Variants in SRFBP1 observed in about 807,000 individuals in gnomAD.
SRFBP1 encodes the protein serum response factor binding protein 1.
In SRFBP1, 47 loss-of-function variants were observed where a neutral mutation model predicts 45.5. That is an observed-to-expected ratio of 1.03 (90% CI 0.82 to 1.32). The LOEUF is 1.32. Among genes scored for constraint, SRFBP1 ranks in the 40% most tolerant of loss-of-function variants. The pLI, the probability that SRFBP1 is intolerant of heterozygous loss-of-function variation, is 0.00. For synonymous variants in SRFBP1, 203 were observed against 166.3 expected (o/e 1.22, Z -1.70); for missense variants, 621 against 484.6 (o/e 1.28, Z -2.64).
At chr5:122,038,163 G>A (rs764184890) in intron 2 of SRFBP1, among the ~76,000 whole-genome samples, 2 of 152,136 alleles carry the variant, frequency 1.3e-5, no homozygotes, top group Non-Finnish European at 2.9e-5. Flanking sequence ...CATCCGTTTT[G>A]TTAAACCAAT....
Position 122,027,248 on chromosome 5 carries a change from A to C in SRFBP1, c.*122A>C. On this transcript the variant is annotated 3_prime_UTR_variant, in exon 8 of 8. Transcript: ENST00000339397. ...CAATCACAGCTCACTGCAGCCTCAA[A>C]CTCCTGGGCTCAAGTGATCCTCCCA... is the stretch of plus-strand genomic sequence containing the variant. 1.3e-6 allele frequency: 1 copy of C among 768,006 alleles called. No homozygotes were observed. Among genetic ancestry groups the C allele is most frequent in the African/African-American group, 1.8e-5 (1 of 55,734 alleles). 47.6% of individuals were successfully genotyped at this position (768,006 alleles called of 1,614,324 possible). A position where few individuals can be genotyped will look rare whatever the true frequency, so the allele number is the denominator to read the frequency against.
At chr5:121,967,617 G>C (rs1561574280) in intron 1 of SRFBP1, among the ~76,000 whole-genome samples, 3 of 152,178 alleles carry the variant, frequency 2.0e-5, no homozygotes. Flanking sequence ...CAGATCACTT[G>C]AGCTCACGAG....
intron 2 of SRFBP1, among the ~76,000 whole-genome samples, chr5:122,045,887 A>G (rs1580542589): frequency 6.6e-6 from 1 of 152,140 alleles, no homozygotes; most frequent in South Asian, 2.1e-4. Flanking sequence ...GACTTCCAAT[A>G]CTATGTTGAA....
At chr5:121,974,932 A>G (rs187951785) in intron 2 of SRFBP1, among the ~76,000 whole-genome samples, 77 of 152,006 alleles carry the variant, frequency 5.1e-4, no homozygotes, top group Admixed American at 1.2e-3. Context: ...CTTAAATGCC[A>G]GAGAGCAAAT....
chr5:122,001,798 T>C (rs887452127), intron 4 of SRFBP1, among the ~76,000 whole-genome samples: 1 of 151,858 alleles, frequency 6.6e-6, no homozygotes, highest in Non-Finnish European at 1.5e-5. Flanking sequence ...CCTGACCTCA[T>C]GATCCACCCG....
chr5:122,064,141 A>C (rs1754238196), intron 2 of SRFBP1: 1 of 151,986 alleles, frequency 6.6e-6, no homozygotes, highest in East Asian at 1.9e-4. Flanking sequence ...TGTAAAAGCC[A>C]ATCTCCTGTC....
chr5:122,076,446 T>C (rs1181508871), downstream of SRFBP1, among the ~76,000 whole-genome samples: 1 of 152,148 alleles, frequency 6.6e-6, no homozygotes, highest in Non-Finnish European at 1.5e-5. Context: ...TTCATCGTGG[T>C]CTCAAACAAA....
chr5:121,993,863 T>C (rs951806077), intron 3 of SRFBP1, among the ~76,000 whole-genome samples: 1 of 152,160 alleles, frequency 6.6e-6, no homozygotes, highest in East Asian at 1.9e-4. Context: ...AAGGGCCTTT[T>C]TTAATTTTTC....
intron 2 of SRFBP1, chr5:122,064,575 T>A (rs988551386): frequency 6.6e-6 from 1 of 152,022 alleles, no homozygotes; most frequent in African/African-American, 2.4e-5. Context: ...AATTTATTTT[T>A]AAAAATAAAT....
intron 2 of SRFBP1, among the ~76,000 whole-genome samples, chr5:122,060,563 T>C (rs1191401389): frequency 6.6e-6 from 1 of 152,012 alleles, no homozygotes; most frequent in Non-Finnish European, 1.5e-5. Flanking sequence ...GGGTCAAGGA[T>C]TGGTAAATGA....
chr5:122,074,858 T>A (rs886363585), intron 2 of SRFBP1, among the ~76,000 whole-genome samples: 17 of 152,160 alleles, frequency 1.1e-4, no homozygotes, highest in African/African-American at 3.4e-4. Context: ...TTCCTGAAAA[T>A]AAACACCCAG....
At chr5:122,023,829 T>C (rs990418837) in intron 7 of SRFBP1, among the ~76,000 whole-genome samples, 7 of 152,246 alleles carry the variant, frequency 4.6e-5, no homozygotes, top group African/African-American at 1.7e-4. Context: ...CTCTGTTTCC[T>C]TCAGTCCGTC....
chr5:121,999,351 C>G (rs1226704440), intron 4 of SRFBP1, among the ~76,000 whole-genome samples: 1 of 151,860 alleles, frequency 6.6e-6, no homozygotes, highest in Non-Finnish European at 1.5e-5. Context: ...GATTTCTATT[C>G]TTTTCAATGT....
chr5:122,026,761 C>T (rs143859621), intron 7 of SRFBP1, among the ~76,000 whole-genome samples, 181 bp from the exon 8 acceptor site: 8 of 152,166 alleles, frequency 5.3e-5, no homozygotes, highest in East Asian at 3.9e-4. Flanking sequence ...AAATTGACTA[C>T]TTGTATATAA....
chr5:122,018,474 G>A (rs1400634848), intron 4 of SRFBP1, among the ~76,000 whole-genome samples: 1 of 152,088 alleles, frequency 6.6e-6, no homozygotes, highest in Admixed American at 6.5e-5. Flanking sequence ...TAGAGTTTTA[G>A]GCCTGAGCAA....
At chr5:122,024,155 C>T (rs1389258137) in intron 7 of SRFBP1, among the ~76,000 whole-genome samples, 1 of 152,194 alleles carries the variant, frequency 6.6e-6, no homozygotes, top group Non-Finnish European at 1.5e-5. Flanking sequence ...TTGTCAAGGA[C>T]AGCCAGTAAT....
chr5:122,043,074 A>C (rs1753796033), intron 2 of SRFBP1, among the ~76,000 whole-genome samples: 1 of 151,880 alleles, frequency 6.6e-6, no homozygotes, highest in Non-Finnish European at 1.5e-5. Context: ...TCTTTCTAAT[A>C]TTATTTTTCT....
At chr5:121,980,713 A>C (rs1351895986) in intron 3 of SRFBP1, among the ~76,000 whole-genome samples, 1 of 152,042 alleles carries the variant, frequency 6.6e-6, no homozygotes, top group East Asian at 1.9e-4. Flanking sequence ...TTTTTCGAAT[A>C]AGTGGTTGTT....
At chr5:122,000,881 C>T (rs1752851726) in intron 4 of SRFBP1, among the ~76,000 whole-genome samples, 2 of 152,092 alleles carry the variant, frequency 1.3e-5, no homozygotes. Flanking sequence ...AACTATAAGA[C>T]TACCAAATTT....
Sources: gnomAD v4.1 joint callset for allele counts (sites outside exome capture counted in the v4.1 genomes callset) on GRCh38, gnomAD v4.1.1 for gene constraint, MANE v1.5 for transcripts, NCBI Gene and HGNC (gene_info 2026-07-23, HGNC 2026-07-21) for gene names.